Variants in ZNF385D observed in about 807,000 individuals in gnomAD.
The protein encoded by ZNF385D is zinc finger protein 385D, also known as zinc finger protein 659.
Under a neutral mutation model 35.8 loss-of-function variants are expected in ZNF385D, and 15 were observed. The observed-to-expected ratio is 0.42, with a 90% CI of 0.28 to 0.64. The LOEUF is 0.64. Ranked by LOEUF, ZNF385D falls within the 30% of genes least tolerant of loss-of-function variation. The probability of loss-of-function intolerance (pLI) is 0.23; values close to 1 mark genes in which losing one functional copy is unlikely to be tolerated. For missense variants in ZNF385D, 474 were observed against 494.6 expected, an observed-to-expected ratio of 0.96 and a Z score of 0.39; for synonymous variants, 212 against 186.8, an observed-to-expected ratio of 1.13 and a Z score of -1.10.
At chr3:21,663,665 A>G (rs1236408927) in intron 2 of ZNF385D, among the ~76,000 whole-genome samples, 1 of 151,814 alleles carries the variant, frequency 6.6e-6, no homozygotes, top group Non-Finnish European at 1.5e-5. Context: ...GGTGACCTTT[A>G]TGTTGCTTTA....
At chr3:21,519,811 T>C (rs1707799590) in intron 3 of ZNF385D, among the ~76,000 whole-genome samples, 1 of 152,202 alleles carries the variant, frequency 6.6e-6, no homozygotes, top group Admixed American at 6.5e-5. Context: ...CCCTTCAGAA[T>C]GCCCATAGCT....
At chr3:22,309,160 C>G (rs892900383) in intron 2 of ZNF385D, among the ~76,000 whole-genome samples, 16 of 152,010 alleles carry the variant, frequency 1.1e-4, no homozygotes, top group Admixed American at 9.9e-4. Context: ...AATCTCCAGG[C>G]TATTCACCAT....
intron 1 of ZNF385D, among the ~76,000 whole-genome samples, chr3:21,728,959 G>A (rs1235419244): frequency 2.0e-5 from 3 of 152,196 alleles, no homozygotes; most frequent in Admixed American, 6.5e-5. Flanking sequence ...CACCTCTAGT[G>A]TCTGGAACAG....
intron 1 of ZNF385D, among the ~76,000 whole-genome samples, chr3:21,705,985 T>C (rs1383905758): frequency 6.6e-6 from 1 of 152,156 alleles, no homozygotes; most frequent in Non-Finnish European, 1.5e-5. Context: ...CGATCAATGA[T>C]GGCAAAGGTG....
intron 4 of ZNF385D, among the ~76,000 whole-genome samples, chr3:21,458,016 C>G (rs1009308544): frequency 7.2e-5 from 11 of 152,000 alleles, no homozygotes; most frequent in African/African-American, 2.7e-4. Flanking sequence ...AAAAAAGTTC[C>G]TGAGATGCTT....
At chr3:22,371,517 C>T (rs965018444) in intron 2 of ZNF385D, among the ~76,000 whole-genome samples, 3 of 152,284 alleles carry the variant, frequency 2.0e-5, no homozygotes, top group African/African-American at 7.2e-5. Context: ...CTAAAGCACT[C>T]ATCAGCACAA....
At chr3:22,177,904 G>C (rs1483539645) in intron 2 of ZNF385D, among the ~76,000 whole-genome samples, 1 of 152,148 alleles carries the variant, frequency 6.6e-6, no homozygotes, top group African/African-American at 2.4e-5. Flanking sequence ...TCCCTACAAA[G>C]AACATGAACT....
At chr3:22,313,586 A>C (rs1485811391) in intron 2 of ZNF385D, among the ~76,000 whole-genome samples, 3 of 152,256 alleles carry the variant, frequency 2.0e-5, no homozygotes, top group African/African-American at 7.2e-5. Flanking sequence ...CAAGAATTTT[A>C]TGGTTAAGGG....
intron 3 of ZNF385D, among the ~76,000 whole-genome samples, chr3:22,080,615 A>G (rs11715277): frequency 0.018 from 2,715 of 152,112 alleles, 38 homozygotes; most frequent in Non-Finnish European, 0.031. Context: ...TATACAAAAT[A>G]TACATTTCCG....
chr3:21,958,328 G>C (rs1005771770), intron 3 of ZNF385D, among the ~76,000 whole-genome samples: 2 of 152,196 alleles, frequency 1.3e-5, no homozygotes, highest in South Asian at 4.1e-4. Flanking sequence ...TGTCAGGCCA[G>C]AGCTTATACT....
intron 3 of ZNF385D, among the ~76,000 whole-genome samples, chr3:21,890,057 A>G (rs2125880233): frequency 6.6e-6 from 1 of 152,230 alleles, no homozygotes; most frequent in African/African-American, 2.4e-5. Context: ...CACTTTAAAT[A>G]CCCTATCTGC....
chr3:21,855,187 T>G (rs1024831971), intron 3 of ZNF385D, among the ~76,000 whole-genome samples: 1 of 152,074 alleles, frequency 6.6e-6, no homozygotes, highest in South Asian at 2.1e-4. Context: ...TTATTTTCTC[T>G]GAGAAATCGC....
At chr3:22,154,856 C>T (rs1053775918) in intron 3 of ZNF385D, among the ~76,000 whole-genome samples, 1 of 152,088 alleles carries the variant, frequency 6.6e-6, no homozygotes, top group Admixed American at 6.6e-5. Flanking sequence ...AATAACACCA[C>T]CTCTCCACAG....
rs532487251 is a variant in ZNF385D, at chr3:22,235,482, G to C, written c.107-66447C>G. 1.8e-4 allele frequency among the ~76,000 whole-genome samples: 28 copies of C among 152,146 alleles called. No individual in the cohort carries two copies. In the East Asian group the frequency reaches 4.2e-3, roughly 23 times the overall value. On this transcript the variant is annotated intron_variant, in intron 2 of 5. Coordinates refer to the ZNF385D transcript ENST00000494108. ...TAGAACTAAAATATTAGAATCTTCA[G>C]TGTGTCCAAAATACCCAAAACAATG...
intron 2 of ZNF385D, among the ~76,000 whole-genome samples, chr3:22,371,129 C>G (rs1288205315): frequency 1.3e-5 from 2 of 152,220 alleles, no homozygotes; most frequent in Non-Finnish European, 1.5e-5. Context: ...TTGAAATGAC[C>G]CATATTTGCC....
chr3:22,300,835 T>C lies in ZNF385D; in HGVS notation c.106+71615A>G, dbSNP rs139723469. On this transcript the variant is annotated intron_variant, in intron 2 of 5. Coordinates refer to the ZNF385D transcript ENST00000494108. ...AAAGGGAATCCATGTGCAATTTTGA[T>C]GGGAATATAAATTAGTATAGCCATT... Among the ~76,000 whole-genome samples the C allele has an allele frequency of 3.4e-3, 522 of 152,174 alleles. 7 individuals are homozygous for C. Among genetic ancestry groups the C allele is most frequent in the African/African-American group, 0.012 (488 of 41,560 alleles).
At chr3:22,149,218 T>C (rs984517492) in intron 3 of ZNF385D, among the ~76,000 whole-genome samples, 11 of 152,160 alleles carry the variant, frequency 7.2e-5, no homozygotes, top group African/African-American at 2.7e-4. Context: ...TCTAAGAATG[T>C]TACATTTCCT....
chr3:21,628,128 T>A lies in ZNF385D; in HGVS notation c.165+36758A>T, dbSNP rs150114456. 3.1e-3 allele frequency among the ~76,000 whole-genome samples: 476 copies of A among 152,248 alleles called. 1 individual carries two copies. The highest frequency in any genetic ancestry group is 0.011 in the African/African-American group (450 of 41,568). ...GGCCTGTTTAATGGCTGCTACTGAT[T>A]GTTAAAAGTTTCAAAAGCATGGAGG... On this transcript the variant is annotated intron_variant, in intron 2 of 7. Coordinates refer to ENST00000281523, the MANE Select transcript of ZNF385D (RefSeq NM_024697.3).
chr3:21,508,756 C>T (rs1225205908), intron 4 of ZNF385D, among the ~76,000 whole-genome samples: 2 of 152,108 alleles, frequency 1.3e-5, no homozygotes, highest in South Asian at 2.1e-4. Context: ...AAAAATGATA[C>T]TAAACTTCTA....
Sources: allele counts gnomAD v4.1 joint callset (sites outside exome capture counted in the v4.1 genomes callset), GRCh38; gene constraint gnomAD v4.1.1; transcripts MANE v1.5; gene names NCBI Gene and HGNC (gene_info 2026-07-23, HGNC 2026-07-21).